BLMH: variants seen among roughly 807,000 people sequenced by gnomAD.
BLMH encodes bleomycin hydrolase.
Under a neutral mutation model 61.6 loss-of-function variants are expected in BLMH, and 32 were observed. The ratio of observed to expected loss-of-function variants is 0.52; its 90% CI spans 0.39 to 0.70. The LOEUF (loss-of-function observed/expected upper bound fraction) is 0.70. BLMH is among the 30% of genes least tolerant of loss of function. The probability of loss-of-function intolerance (pLI) is 0.00; values close to 1 mark genes in which losing one functional copy is unlikely to be tolerated. For missense variants in BLMH, 460 were observed against 555.5 expected, an observed-to-expected ratio of 0.83 and a Z score of 1.73; for synonymous variants, 183 against 193.8, an observed-to-expected ratio of 0.94 and a Z score of 0.46.
intron 10 of BLMH, among the ~76,000 whole-genome samples, 193 bp downstream of exon 10, chr17:30,271,078 A>G (rs748969509): frequency 5.3e-5 from 8 of 152,214 alleles, no homozygotes; most frequent in African/African-American, 1.7e-4. Context: ...CTCCTCATAG[A>G]AAGTTCCTAT....
At chr17:30,279,343 T>C (rs900953045) in intron 6 of BLMH, among the ~76,000 whole-genome samples, 8 of 152,200 alleles carry the variant, frequency 5.3e-5, no homozygotes, top group East Asian at 1.9e-4. Flanking sequence ...CTGGGGGCAG[T>C]TGTATGTCAA....
At chr17:30,265,751 A>C (rs1908084952) in intron 11 of BLMH, among the ~76,000 whole-genome samples, 1 of 152,172 alleles carries the variant, frequency 6.6e-6, no homozygotes, top group African/African-American at 2.4e-5. Flanking sequence ...AACTGGCTAT[A>C]AAATGCCCCC....
At chr17:30,261,383 T>C (rs7210085) in intron 11 of BLMH, among the ~76,000 whole-genome samples, 80,917 of 152,062 alleles carry the variant, frequency 0.53, 23,499 homozygotes, top group African/African-American at 0.77. Context: ...AATACATTAG[T>C]GAACTTTGAA....
intron 10 of BLMH, among the ~76,000 whole-genome samples, chr17:30,269,018 C>T (rs757418515): frequency 4.0e-5 from 6 of 149,662 alleles, no homozygotes; most frequent in African/African-American, 7.4e-5. Flanking sequence ...CCAGCCTGGG[C>T]GACAGAGCAA....
At chr17:30,279,695 G>A (rs1423461277) in intron 6 of BLMH, among the ~76,000 whole-genome samples, 1 of 152,278 alleles carries the variant, frequency 6.6e-6, no homozygotes, top group East Asian at 1.9e-4. Context: ...CCAGCATGTT[G>A]GGAGGCTGAG....
chr17:30,263,165 T>C (rs1238434470), intron 11 of BLMH, among the ~76,000 whole-genome samples: 1 of 152,136 alleles, frequency 6.6e-6, no homozygotes, highest in African/African-American at 2.4e-5. Flanking sequence ...AAGCACAGTT[T>C]AGTGGTTAAG....
intron 11 of BLMH, 141 bp downstream of exon 11, chr17:30,266,744 T>C: frequency 1.3e-6 from 1 of 747,938 alleles, no homozygotes; most frequent in Non-Finnish European, 2.2e-6. Flanking sequence ...GCAAATCAGA[T>C]CCTCAGATTT....
chr17:30,260,979 T>C (rs1907941499), intron 11 of BLMH, among the ~76,000 whole-genome samples: 1 of 152,164 alleles, frequency 6.6e-6, no homozygotes, highest in South Asian at 2.1e-4. Context: ...TGGAGAGACA[T>C]GAAACCCTCT....
In BLMH at chr17:30,260,437, A is replaced by G. The variant is rs140866801; in HGVS notation, c.1216+6448T>C. Among the ~76,000 whole-genome samples, 43 of 152,342 alleles carry G rather than the reference A, an allele frequency of 2.8e-4. 1 individual carries two copies. Among genetic ancestry groups the G allele is most frequent in the African/African-American group, 1.0e-3 (43 of 41,586 alleles). On this transcript the variant is annotated intron_variant, in intron 11 of 11. Coordinates refer to ENST00000261714, the MANE Select transcript of BLMH (RefSeq NM_000386.4). ...CTGTCACATAGTCTGTCCTTGCCCA[A>G]ATAATGATAGCCCTCTCTTAGTCAC...
chr17:30,251,413 A>G (rs1310441454), intron 11 of BLMH, among the ~76,000 whole-genome samples: 1 of 152,242 alleles, frequency 6.6e-6, no homozygotes, highest in African/African-American at 2.4e-5. Context: ...CAGAACACAG[A>G]GCAAACGATG....
rs776012477 is a variant in BLMH, at chr17:30,266,944, T to A, written c.1157A>T (p.Asp386Val). 1 of 1,614,028 alleles carries A rather than the reference T, an allele frequency of 6.2e-7. No individual in the cohort carries two copies. The highest frequency in any genetic ancestry group is 1.1e-5 in the South Asian group (1 of 91,082). ...CACTCTCCATTTTGTGAAAGCACCA[T>A]CCTGATCATCCTGCAAAAAAGTGGA... ...FTAVSEKDDQ[D>V]GAFTKWRVEN... is the part of the protein sequence containing the mutation. The change falls in exon 11 of 12, where the codon GAT becomes GTT. Residue 386 changes from aspartate (D) to valine (V), a missense_variant. By Grantham distance (152) the Asp-to-Val change is radical (BLOSUM62 -3). Transcript: ENST00000261714.
intron 4 of BLMH, among the ~76,000 whole-genome samples, chr17:30,287,124 C>T (rs1908755531): frequency 6.6e-6 from 1 of 152,154 alleles, no homozygotes; most frequent in Admixed American, 6.5e-5. Flanking sequence ...TGGCCCACTG[C>T]AGCCTTGAAC....
chr17:30,250,782 C>T (rs544917207), intron 11 of BLMH, among the ~76,000 whole-genome samples: 23 of 152,288 alleles, frequency 1.5e-4, no homozygotes, highest in African/African-American at 1.4e-4. Flanking sequence ...CACATGCACA[C>T]GCATGCTTAT....
intron 11 of BLMH, among the ~76,000 whole-genome samples, chr17:30,260,567 A>G (rs1907930315): frequency 6.6e-6 from 1 of 152,118 alleles, no homozygotes; most frequent in Non-Finnish European, 1.5e-5. Flanking sequence ...TTTGGTTAAT[A>G]AAGATGGATG....
At position 30,272,737 on chromosome 17, in the gene BLMH, C is replaced by G. The variant is rs891581795; in HGVS notation, c.960+4G>C. The G allele has an allele frequency of 7.4e-6, 12 of 1,613,908 alleles. No homozygotes were observed. The highest frequency in any genetic ancestry group is 4.0e-5 in the African/African-American group (3 of 74,858). On this transcript the variant is annotated splice_donor_region_variant and intron_variant, in intron 8 of 11. Transcript: ENST00000261714. Reference sequence around the variant, plus strand: ...AATGTGCAAAATACAGAAACAATACCAACCTCTCCATCTTTGATGGAGGCA... The same window carrying G: ...AATGTGCAAAATACAGAAACAATACGAACCTCTCCATCTTTGATGGAGGCA...
intron 5 of BLMH, among the ~76,000 whole-genome samples, chr17:30,286,032 C>T (rs1465979044): frequency 6.6e-6 from 1 of 152,112 alleles, no homozygotes; most frequent in Non-Finnish European, 1.5e-5. Context: ...AATCAAATGC[C>T]GTACTATTAA....
At chr17:30,263,832 G>A in intron 11 of BLMH, among the ~76,000 whole-genome samples, 1 of 152,178 alleles carries the variant, frequency 6.6e-6, no homozygotes, top group East Asian at 1.9e-4. Context: ...TGCTTTTTCA[G>A]AAACATCAAT....
intron 11 of BLMH, among the ~76,000 whole-genome samples, chr17:30,261,989 G>A (rs1907971376): frequency 6.6e-6 from 1 of 152,154 alleles, no homozygotes; most frequent in Admixed American, 6.5e-5. Flanking sequence ...AAAAATGTGG[G>A]TTAAAAACAA....
intron 6 of BLMH, among the ~76,000 whole-genome samples, chr17:30,281,323 C>T (rs1051739007): frequency 1.1e-4 from 16 of 151,838 alleles, no homozygotes; most frequent in Admixed American, 2.6e-4. Flanking sequence ...AACAGAAATG[C>T]GGACTATCTG....
Sources: allele counts gnomAD v4.1 joint callset (sites outside exome capture counted in the v4.1 genomes callset), GRCh38; gene constraint gnomAD v4.1.1; transcripts MANE v1.5; gene names NCBI Gene and HGNC (gene_info 2026-07-23, HGNC 2026-07-21).